ATP12A: variants seen among roughly 807,000 people sequenced by gnomAD.
The protein encoded by ATP12A is potassium-transporting ATPase alpha chain 2.
ATP12A carries 81 observed loss-of-function variants against 111.2 expected under a neutral mutation model. The observed-to-expected ratio is 0.73, with a 90% CI of 0.61 to 0.88. The LOEUF is 0.88. Among genes scored for constraint, ATP12A ranks in the 40% least tolerant of loss-of-function variants. The pLI, the probability that ATP12A is intolerant of heterozygous loss-of-function variation, is 0.00. For missense variants in ATP12A, 1,196 were observed against 1,313.1 expected (o/e 0.91, Z 1.38); for synonymous variants, 498 against 499.8 (o/e 1.00, Z 0.05).
rs1269412666 is a variant in ATP12A at position 24,710,487 on chromosome 13, T to C, written c.2791T>C (p.Trp931Arg). 2 of 1,614,186 alleles carry C rather than the reference T, an allele frequency of 1.2e-6. No homozygotes were observed. Among genetic ancestry groups the C allele is most frequent in the Non-Finnish European group, 1.7e-6 (2 of 1,180,046 alleles). Residue 931 changes from tryptophan to arginine, a missense_variant, in exon 20 of 23, where the codon TGG becomes CGG. Trp to Arg is a moderately radical substitution (Grantham distance 101, BLOSUM62 -3). Around this residue, in one of 3 missense-constraint regions of ATP12A, gnomAD observed 1,126 missense variants for 1,228.5 expected, o/e 0.92. Coordinates refer to ENST00000381946, the MANE Select transcript of ATP12A (RefSeq NM_001676.7). ...WTRYQREYLE[W>R]TGYTAFFVGI... ...AAGGTACCAGAGGGAATACCTAGAA[T>C]GGACGGGCTACACGGCTTTCTTTGT...
chr13:24,707,454 C>G, intron 17 of ATP12A, 21 bp downstream of exon 17: 4 of 1,613,988 alleles, frequency 2.5e-6, no homozygotes, highest in Non-Finnish European at 3.4e-6. Flanking sequence ...CTGAAGGGAA[C>G]AGGCTGTGAT....
At chr13:24,710,767 C>T (rs749247404) in intron 20 of ATP12A, 25 bp from the exon 21 acceptor site, 1 of 1,611,238 alleles carries the variant, frequency 6.2e-7, no homozygotes, top group Non-Finnish European at 8.5e-7. Context: ...AATCCCAAGT[C>T]TGTCTGCTTT....
intron 21 of ATP12A, 51 bp from the exon 22 acceptor site, chr13:24,711,267 G>T (rs1875953362): frequency 2.0e-6 from 3 of 1,527,032 alleles, no homozygotes; most frequent in East Asian, 4.8e-5. Flanking sequence ...GGCAGGGTTG[G>T]GCTATCCCTG....
At chr13:24,681,980 G>T (rs28758571) in intron 2 of ATP12A, among the ~76,000 whole-genome samples, 85,877 of 134,304 alleles carry the variant, frequency 0.64, 27,674 homozygotes, top group Non-Finnish European at 0.73. Context: ...TATGGTGTGT[G>T]GTGTGTGTGT....
chr13:24,711,652 G>GCTTTCTGCATGA lies in ATP12A; in HGVS notation c.*130_*131insCTTTCTGCATGA. On this transcript the variant is annotated 3_prime_UTR_variant, in exon 23 of 23. Coordinates refer to ENST00000381946, the MANE Select transcript of ATP12A (RefSeq NM_001676.7). ...TCAGACAAGAGGAAATTTTCATGCA[G>GCTTTCTGCATGA]AAAGCTGTATGCAGGATGCTCACTG... 7.6e-7 allele frequency: 1 copy of GCTTTCTGCATGA among 1,309,404 alleles called. No individual in the cohort carries two copies. The highest frequency in any genetic ancestry group is 1.1e-6 in the Non-Finnish European group (1 of 930,394). 81.1% of individuals were successfully genotyped at this position (1,309,404 alleles called of 1,614,324 possible).
intron 15 of ATP12A, 84 bp downstream of exon 15, chr13:24,706,547 T>C (rs947508901): frequency 1.3e-6 from 2 of 1,520,940 alleles, no homozygotes; most frequent in African/African-American, 1.4e-5. Context: ...CACATCAGGC[T>C]GTGGTGCCTT....
chr13:24,700,951 T>A, intron 13 of ATP12A, 29 bp downstream of exon 13: 1 of 1,607,846 alleles, frequency 6.2e-7, no homozygotes, highest in Non-Finnish European at 8.5e-7. Flanking sequence ...ACTCAAGAAG[T>A]TCTTTCTTTA....
intron 20 of ATP12A, 40 bp from the exon 21 acceptor site, chr13:24,710,752 A>G: frequency 7.5e-6 from 12 of 1,609,648 alleles, no homozygotes; most frequent in Non-Finnish European, 1.0e-5. Context: ...TCATGAAGCC[A>G]CAAGAATCCC....
intron 18 of ATP12A, 34 bp from the exon 19 acceptor site, chr13:24,709,649 T>C (rs1218959697): frequency 1.2e-6 from 2 of 1,609,352 alleles, no homozygotes; most frequent in African/African-American, 1.3e-5. Context: ...GAGGCCATCA[T>C]AGAACCTGTG....
intron 3 of ATP12A, among the ~76,000 whole-genome samples, chr13:24,686,245 C>G (rs953440080): frequency 6.6e-6 from 1 of 151,396 alleles, no homozygotes; most frequent in African/African-American, 2.4e-5. Context: ...TTGAGACCAG[C>G]CTGACCAACA....
In ATP12A at chr13:24,711,364, G is replaced by A. The variant is rs142324692; in HGVS notation, c.3046G>A (p.Val1016Met). ...TGTGCCGCACGCCATCCTGATCTGG[G>A]TGTATGATGAGGTGCGGAAGCTCTT... The part of the protein sequence containing the change: ...VAVPHAILIW[V>M]YDEVRKLFIR... The change falls in exon 22 of 23, where the codon GTG becomes ATG. Residue 1016 changes from valine (V) to methionine (M), a missense_variant. Physicochemically the swap from Val to Met is conservative, Grantham distance 21 (BLOSUM62 1). Around this residue, in one of 3 missense-constraint regions of ATP12A, gnomAD observed 1,126 missense variants for 1,228.5 expected, o/e 0.92. Coordinates refer to ENST00000381946, the MANE Select transcript of ATP12A (RefSeq NM_001676.7). The A allele has an allele frequency of 1.0e-4, 162 of 1,611,128 alleles. No individual in the cohort carries two copies. Among genetic ancestry groups the A allele is most frequent in the Non-Finnish European group, 8.0e-5 (94 of 1,178,562 alleles).
Position 24,704,764 on chromosome 13 carries a change from C to A in ATP12A, c.2019-1549C>A. The A allele has an allele frequency of 2.0e-5, 4 of 201,526 alleles. No homozygotes were observed. The South Asian group carries it at 3.0e-4, about 15-fold the overall frequency. 12.5% of individuals were successfully genotyped at this position (201,526 alleles called of 1,614,324 possible). A position where few individuals can be genotyped will look rare whatever the true frequency, so the allele number is the denominator to read the frequency against. ...TGACTTTTATGATTCTTGCCTCAGT[C>A]AAAAGTCACAAAGGGACTGCACTTC... On this transcript the variant is annotated intron_variant, in intron 14 of 22. Transcript: ENST00000381946.
In ATP12A at chr13:24,698,794, C is replaced by T; in HGVS notation, c.1649C>T (p.Ala550Val). The T allele has an allele frequency of 6.2e-7, 1 of 1,614,062 alleles. No homozygotes were observed. The highest frequency in any genetic ancestry group is 2.2e-5 in the East Asian group (1 of 44,854). Residue 550 changes from alanine (A) to valine (V), a missense_variant, in exon 12 of 23, where the codon GCC becomes GTC. This residue lies in a region of ATP12A where 1,126 missense variants were observed against 1,228.5 expected (regional missense o/e 0.92). Transcript: ENST00000381946. ...GEEHPLDKST[A>V]KTFHTAYMEL... ...GAGCACCCACTGGACAAGAGCACTG[C>T]CAAGACCTTCCACACAGCCTACATG...
In ATP12A at chr13:24,688,358, G is replaced by A. The variant is rs1290130064; in HGVS notation, c.268G>A (p.Asp90Asn). ...STRAAELLARDGPNSLTPPKQ... is the reference protein window; with the variant it reads ...STRAAELLARNGPNSLTPPKQ... ...CAGAGCTGCCGAGCTCCTGGCCCGGGATGGGCCCAACTCCCTCACCCCTCC... is the reference window on the plus strand; with the variant it reads ...CAGAGCTGCCGAGCTCCTGGCCCGGAATGGGCCCAACTCCCTCACCCCTCC... Residue 90 changes from aspartate to asparagine, a missense_variant, in exon 4 of 23, where the codon GAT (aspartate) becomes AAT (asparagine). Physicochemically the swap from Asp to Asn is conservative, Grantham distance 23. This residue lies in a region of ATP12A where 1,126 missense variants were observed against 1,228.5 expected (regional missense o/e 0.92). Transcript: ENST00000381946. 4 of 1,614,040 alleles carry A rather than the reference G, an allele frequency of 2.5e-6. No homozygotes were observed. Among genetic ancestry groups the A allele is most frequent in the South Asian group, 2.2e-5 (2 of 91,034 alleles).
chr13:24,681,604 G>A lies in ATP12A; in HGVS notation c.52G>A (p.Asp18Asn), dbSNP rs1352000801. The A allele has an allele frequency of 1.2e-6, 2 of 1,614,060 alleles. No individual in the cohort carries two copies. The highest frequency in any genetic ancestry group is 1.7e-5 in the Admixed American group (1 of 60,002). The change falls in exon 2 of 23, where the codon GAC becomes AAC. Residue 18 changes from aspartate (D) to asparagine (N), a missense_variant. Asp to Asn is a conservative substitution (Grantham distance 23, BLOSUM62 1). Coordinates refer to ENST00000381946, the MANE Select transcript of ATP12A (RefSeq NM_001676.7). Reference sequence around the variant, plus strand: ...CTCCGTGGAGCTCAGCGGAACTAAGGACATCGTGAAAACAGACAAGGGGGA... The same window carrying A: ...CTCCGTGGAGCTCAGCGGAACTAAGAACATCGTGAAAACAGACAAGGGGGA... ...IYSVELSGTKDIVKTDKGDGK... is the reference protein window; with the variant it reads ...IYSVELSGTKNIVKTDKGDGK...
In ATP12A at chr13:24,710,882, C is replaced by CA; in HGVS notation, c.2989dup (p.Thr997AsnfsTer4). 1 of 1,614,146 alleles carries CA rather than the reference C, an allele frequency of 6.2e-7. No homozygotes were observed. The highest frequency in any genetic ancestry group is 8.5e-7 in the Non-Finnish European group (1 of 1,179,986). On this transcript the variant is annotated frameshift_variant, in exon 21 of 23. Transcript: ENST00000381946. LOFTEE classifies it high-confidence loss of function. Reference sequence around the variant, plus strand: ...TCGGAAGTGTCACAGCCTTGAGTTTCACCATGCTTAGGTGAGTTCACCCTC... The same window carrying CA: ...TCGGAAGTGTCACAGCCTTGAGTTTCAACCATGCTTAGGTGAGTTCACCCTC...
intron 17 of ATP12A, 109 bp from the exon 18 acceptor site, chr13:24,709,255 T>TGG: frequency 2.8e-6 from 2 of 720,908 alleles, no homozygotes; most frequent in Non-Finnish European, 4.3e-6. Context: ...GCCAGCTCCA[T>TGG]GCCCCCCACC....
intron 2 of ATP12A, among the ~76,000 whole-genome samples, chr13:24,682,934 G>A (rs955005774): frequency 2.1e-4 from 32 of 150,246 alleles, no homozygotes; most frequent in African/African-American, 7.6e-4. Context: ...TATTAAGGAA[G>A]AGCTCTGGAG....
chr13:24,697,056 T>C (rs1004753798), intron 11 of ATP12A, among the ~76,000 whole-genome samples: 4 of 152,220 alleles, frequency 2.6e-5, no homozygotes, highest in Non-Finnish European at 4.4e-5. Context: ...AGATTATCCT[T>C]TGTAGCCACC....
Sources: gnomAD v4.1 joint callset for allele counts (sites outside exome capture counted in the v4.1 genomes callset) on GRCh38, gnomAD v4.1.1 for gene constraint, gnomAD v4.1.1 regional missense constraint, MANE v1.5 for transcripts, NCBI Gene and HGNC (gene_info 2026-07-23, HGNC 2026-07-21) for gene names.